Variants in PTPRD observed in about 807,000 individuals in gnomAD.
PTPRD encodes the protein protein tyrosine phosphatase receptor type D.
PTPRD carries 34 observed loss-of-function variants against 214.5 expected under a neutral mutation model. The ratio of observed to expected loss-of-function variants is 0.16; its 90% CI spans 0.12 to 0.21. PTPRD has a LOEUF of 0.21. Among genes scored for constraint, PTPRD ranks in the 10% least tolerant of loss-of-function variants. The pLI is 1.00. For missense variants in PTPRD, 2,545 were observed against 2,398.7 expected, an observed-to-expected ratio of 1.06 and a Z score of -1.27; for synonymous variants, 1,128 against 845.7, an observed-to-expected ratio of 1.33 and a Z score of -5.79.
intron 11 of PTPRD, among the ~76,000 whole-genome samples, chr9:8,867,516 A>G (rs1181218501): frequency 6.6e-6 from 1 of 152,182 alleles, no homozygotes; most frequent in African/African-American, 2.4e-5. Flanking sequence ...GGAGGTAAGA[A>G]GGAACAGGAC....
intron 27 of PTPRD, among the ~76,000 whole-genome samples, chr9:8,491,298 G>A (rs998713926): frequency 6.6e-6 from 1 of 152,110 alleles, no homozygotes; most frequent in Non-Finnish European, 1.5e-5. Context: ...AATGTCTACT[G>A]CATGGTAAAT....
chr9:10,127,624 T>C (rs998916513), intron 3 of PTPRD, among the ~76,000 whole-genome samples: 1 of 152,158 alleles, frequency 6.6e-6, no homozygotes, highest in African/African-American at 2.4e-5. Context: ...ATTAATCATA[T>C]TGTTTCTTAT....
intron 9 of PTPRD, among the ~76,000 whole-genome samples, chr9:9,382,331 A>C (rs3955073): frequency 7.9e-5 from 12 of 151,966 alleles, no homozygotes; most frequent in African/African-American, 2.9e-4. Context: ...TATGATAACA[A>C]AAGCAGAGGC....
intron 7 of PTPRD, among the ~76,000 whole-genome samples, chr9:9,727,295 C>T (rs2098112811): frequency 1.3e-5 from 2 of 151,908 alleles, no homozygotes; most frequent in Non-Finnish European, 2.9e-5. Flanking sequence ...ACTAAAAATA[C>T]AAAAAGTTAG....
intron 3 of PTPRD, among the ~76,000 whole-genome samples, chr9:10,321,499 A>T (rs1313672206): frequency 5.3e-5 from 8 of 152,114 alleles, no homozygotes; most frequent in Admixed American, 5.2e-4. Flanking sequence ...AAACAAGATT[A>T]GGTTGGAAAA....
At chr9:8,477,786 T>C (rs2096794919) in intron 30 of PTPRD, among the ~76,000 whole-genome samples, 1 of 152,196 alleles carries the variant, frequency 6.6e-6, no homozygotes, top group African/African-American at 2.4e-5. Flanking sequence ...TTTGGAGTTT[T>C]AATCAGTTAT....
At chr9:9,461,868 C>T (rs1462151179) in intron 8 of PTPRD, among the ~76,000 whole-genome samples, 1 of 152,136 alleles carries the variant, frequency 6.6e-6, no homozygotes, top group Non-Finnish European at 1.5e-5. Context: ...CGGATGACTT[C>T]TGATCCTTCA....
chr9:9,131,202 T>G (rs1362779902), intron 10 of PTPRD, among the ~76,000 whole-genome samples: 1 of 152,206 alleles, frequency 6.6e-6, no homozygotes, highest in Non-Finnish European at 1.5e-5. Flanking sequence ...TTGCATTGTC[T>G]CTGCTCTACT....
chr9:10,337,099 G>C (rs1245658149), intron 3 of PTPRD, among the ~76,000 whole-genome samples: 2 of 151,636 alleles, frequency 1.3e-5, no homozygotes, highest in Non-Finnish European at 3.0e-5. Context: ...AAACAAAAAA[G>C]ACAACAAAAA....
At chr9:8,616,500 C>G (rs929809501) in intron 14 of PTPRD, among the ~76,000 whole-genome samples, 1 of 152,144 alleles carries the variant, frequency 6.6e-6, no homozygotes, top group African/African-American at 2.4e-5. Context: ...GGATCCCTTA[C>G]TTCAGACTCT....
intron 3 of PTPRD, among the ~76,000 whole-genome samples, chr9:10,050,559 C>CAAAAAAAAAAAAAAAAAAAA (rs1164243746): frequency 7.1e-5 from 1 of 13,998 alleles, no homozygotes; most frequent in African/African-American, 1.9e-4. Flanking sequence ...GAGTCTGTCT[C>CAAAAAAAAAAAAAAAAAAAA]AAAAAAAAAA....
intron 8 of PTPRD, among the ~76,000 whole-genome samples, chr9:9,516,960 T>C (rs551404919): frequency 1.3e-5 from 2 of 152,118 alleles, no homozygotes; most frequent in Non-Finnish European, 2.9e-5. Context: ...ATTTAGGTGA[T>C]GGCCCAAAAA....
At chr9:8,686,972 T>TC (rs1194547278) in intron 12 of PTPRD, among the ~76,000 whole-genome samples, 1 of 152,142 alleles carries the variant, frequency 6.6e-6, no homozygotes, top group Non-Finnish European at 1.5e-5. Flanking sequence ...ATATGGTATT[T>TC]CCCCCGGGGG....
chr9:10,144,898 T>A, intron 3 of PTPRD, among the ~76,000 whole-genome samples: 1 of 151,990 alleles, frequency 6.6e-6, no homozygotes. Flanking sequence ...AAAAATAAAA[T>A]TAGTATTAAA....
chr9:9,336,513 G>A (rs2044541552), intron 9 of PTPRD, among the ~76,000 whole-genome samples: 2 of 152,088 alleles, frequency 1.3e-5, no homozygotes, highest in African/African-American at 4.8e-5. Context: ...CAATTTCCAT[G>A]CCCTTCCCAT....
chr9:8,333,762 T>A (rs903546295), intron 43 of PTPRD, among the ~76,000 whole-genome samples: 10 of 151,822 alleles, frequency 6.6e-5, no homozygotes, highest in Non-Finnish European at 1.5e-4. Flanking sequence ...GACTGGCCAA[T>A]TGGATAAAGA....
intron 2 of PTPRD, among the ~76,000 whole-genome samples, chr9:10,533,899 T>C (rs935057459): frequency 3.3e-5 from 5 of 151,780 alleles, no homozygotes; most frequent in Non-Finnish European, 7.4e-5. Flanking sequence ...TTTCACCTTT[T>C]TTTATTAGGA....
intron 11 of PTPRD, among the ~76,000 whole-genome samples, chr9:8,880,867 C>T (rs1233140357): frequency 6.6e-6 from 1 of 152,122 alleles, no homozygotes; most frequent in African/African-American, 2.4e-5. Flanking sequence ...TCACAGCAGC[C>T]TCAACTTCCT....
At chr9:9,755,320 A>C (rs901650436) in intron 6 of PTPRD, among the ~76,000 whole-genome samples, 1 of 152,068 alleles carries the variant, frequency 6.6e-6, no homozygotes, top group Non-Finnish European at 1.5e-5. Context: ...AAGGAATTAG[A>C]AATTGTTTTA....
Sources: allele counts gnomAD v4.1 joint callset (sites outside exome capture counted in the v4.1 genomes callset), GRCh38; gene constraint gnomAD v4.1.1; transcripts MANE v1.5; gene names NCBI Gene and HGNC (gene_info 2026-07-23, HGNC 2026-07-21).